Variants in COMMD7 observed in about 807,000 individuals in gnomAD.
The protein encoded by COMMD7 is COMM domain-containing protein 7.
In COMMD7, 28 loss-of-function variants were observed where a neutral mutation model predicts 34.8. The ratio of observed to expected loss-of-function variants is 0.80; its 90% CI spans 0.60 to 1.10. COMMD7 has a LOEUF of 1.10. Among genes scored for constraint, COMMD7 ranks in the 50% least tolerant of loss-of-function variants. The pLI, the probability that COMMD7 is intolerant of heterozygous loss-of-function variation, is 0.00. For synonymous variants in COMMD7, 80 were observed against 86.4 expected, an observed-to-expected ratio of 0.93 and a Z score of 0.41; for missense variants, 211 against 241.6, an observed-to-expected ratio of 0.87 and a Z score of 0.84.
At chr20:32,741,960 G>A (rs958539601) in intron 1 of COMMD7, among the ~76,000 whole-genome samples, 3 of 152,104 alleles carry the variant, frequency 2.0e-5, no homozygotes, top group Non-Finnish European at 4.4e-5. Context: ...GGCTGAGGTG[G>A]GCAGATCACC....
chr20:32,707,713 G>C (rs1984184432), intron 3 of COMMD7, among the ~76,000 whole-genome samples: 1 of 151,746 alleles, frequency 6.6e-6, no homozygotes, highest in Non-Finnish European at 1.5e-5. Flanking sequence ...TCACGGACTT[G>C]GGGATGGAGC....
intron 3 of COMMD7, among the ~76,000 whole-genome samples, chr20:32,717,409 T>C (rs1984864421): frequency 6.6e-6 from 1 of 151,082 alleles, no homozygotes; most frequent in African/African-American, 2.4e-5. Context: ...CACTGCAACA[T>C]CTGCCTCCCA....
chr20:32,720,315 T>C (rs1985072542), intron 3 of COMMD7, among the ~76,000 whole-genome samples: 1 of 152,042 alleles, frequency 6.6e-6, no homozygotes, highest in African/African-American at 2.4e-5. Context: ...GCCAACATGG[T>C]GAAACCCCGT....
chr20:32,731,959 C>G (rs1985863059), intron 1 of COMMD7, among the ~76,000 whole-genome samples: 1 of 152,188 alleles, frequency 6.6e-6, no homozygotes, highest in Non-Finnish European at 1.5e-5. Context: ...ATCAGATCTG[C>G]AAACCCAAAA....
chr20:32,727,986 A>C lies in COMMD7; in HGVS notation c.148T>G (p.Phe50Val), dbSNP rs2145764083. Residue 50 changes from phenylalanine (F) to valine (V), a missense_variant, in exon 3 of 9, where the codon TTT becomes GTT. Transcript: ENST00000278980. ...GCAAATTCAGAGAGCTGAGCCAGAA[A>C]TCTTTCCACCTGCAGAGAGAGAACA... ...FLTEPKEVER[F>V]LAQLSEFATT... is the part of the protein sequence containing the mutation. 6.2e-7 allele frequency: 1 copy of C among 1,614,106 alleles called. No homozygotes were observed. Among genetic ancestry groups the C allele is most frequent in the East Asian group, 2.2e-5 (1 of 44,882 alleles).
chr20:32,725,426 G>GTTTT (rs1299213390), intron 3 of COMMD7, among the ~76,000 whole-genome samples: 1 of 89,564 alleles, frequency 1.1e-5, no homozygotes, highest in African/African-American at 3.9e-5. Flanking sequence ...TCTATACTGT[G>GTTTT]TTTTGTTTTT....
At chr20:32,734,024 T>TA (rs1019994431) in intron 1 of COMMD7, among the ~76,000 whole-genome samples, 5 of 133,602 alleles carry the variant, frequency 3.7e-5, no homozygotes, top group South Asian at 2.4e-4. Flanking sequence ...AAATAAAAAA[T>TA]AAAAAAATTA....
At chr20:32,734,980 G>A (rs1392809501) in intron 1 of COMMD7, among the ~76,000 whole-genome samples, 2 of 151,896 alleles carry the variant, frequency 1.3e-5, no homozygotes, top group East Asian at 1.9e-4. Context: ...GCTCATGCCT[G>A]TAATCCTAGC....
chr20:32,703,658 G>C, intron 8 of COMMD7, 200 bp from the exon 9 acceptor site: 1 of 1,436,716 alleles, frequency 7.0e-7, no homozygotes, highest in Middle Eastern at 2.5e-4. Flanking sequence ...AAAAAAAGGG[G>C]AGTGAGTGTT....
chr20:32,738,661 A>T (rs1360451610), intron 1 of COMMD7, among the ~76,000 whole-genome samples: 1 of 151,408 alleles, frequency 6.6e-6, no homozygotes, highest in East Asian at 1.9e-4. Flanking sequence ...GCCTCAAGTG[A>T]TCCCCCTACC....
chr20:32,731,058 G>A (rs1985806055), intron 1 of COMMD7, among the ~76,000 whole-genome samples: 1 of 152,188 alleles, frequency 6.6e-6, no homozygotes, highest in African/African-American at 2.4e-5. Flanking sequence ...GAAACTGGGT[G>A]TGGTGGCTCA....
intron 3 of COMMD7, among the ~76,000 whole-genome samples, chr20:32,709,499 C>G (rs1218138765): frequency 6.6e-6 from 1 of 152,072 alleles, no homozygotes. Context: ...TGCCGTGAGC[C>G]GAGATCTGCC....
chr20:32,721,780 C>T (rs758183925), intron 3 of COMMD7, among the ~76,000 whole-genome samples: 3 of 152,198 alleles, frequency 2.0e-5, no homozygotes, highest in Non-Finnish European at 2.9e-5. Flanking sequence ...CCTGTAATGC[C>T]AGCTACTCGG....
At chr20:32,742,209 T>C (rs1317886259) in intron 1 of COMMD7, among the ~76,000 whole-genome samples, 3 of 152,148 alleles carry the variant, frequency 2.0e-5, no homozygotes, top group African/African-American at 7.2e-5. Flanking sequence ...TTAATTTCCA[T>C]TTCTATTTAA....
chr20:32,733,716 CAAAA>C (rs35352458), intron 1 of COMMD7, among the ~76,000 whole-genome samples: 3 of 109,616 alleles, frequency 2.7e-5, no homozygotes, highest in Non-Finnish European at 1.8e-5. Context: ...GACTCCATCT[CAAAA>C]AAAAAAAAAA....
rs796320487 is a variant in COMMD7 at position 32,725,995 on chromosome 20, G to A, written c.241+1898C>T. On this transcript the variant is annotated intron_variant, in intron 3 of 8. Coordinates refer to ENST00000278980, the MANE Select transcript of COMMD7 (RefSeq NM_053041.3). Reference sequence around the variant, plus strand: ...GGAGGATCACTTAAGCCCGGGAGGCGGAGGTTGCAGTAAGCTGAGATCATG... The same window carrying A: ...GGAGGATCACTTAAGCCCGGGAGGCAGAGGTTGCAGTAAGCTGAGATCATG... Among the ~76,000 whole-genome samples, 33 of 150,554 alleles carry A rather than the reference G, an allele frequency of 2.2e-4. No individual in the cohort carries two copies. In the East Asian group the frequency reaches 5.1e-3, roughly 23 times the overall value.
At chr20:32,734,114 G>A (rs1427061403) in intron 1 of COMMD7, among the ~76,000 whole-genome samples, 2 of 150,452 alleles carry the variant, frequency 1.3e-5, no homozygotes, top group African/African-American at 4.9e-5. Context: ...CTGGAAGGCA[G>A]AGCTTGTGGT....
intron 3 of COMMD7, among the ~76,000 whole-genome samples, chr20:32,718,877 A>T (rs1170635499): frequency 6.6e-6 from 1 of 151,984 alleles, no homozygotes; most frequent in African/African-American, 2.4e-5. Context: ...TCAGAACCTG[A>T]GATGTGTCAA....
At chr20:32,710,150 AG>A (rs1366591860) in intron 3 of COMMD7, among the ~76,000 whole-genome samples, 3 of 152,092 alleles carry the variant, frequency 2.0e-5, no homozygotes, top group Non-Finnish European at 2.9e-5. Flanking sequence ...CTGGGATTAC[AG>A]GCATGAGCTG....
Sources: gnomAD v4.1 joint callset for allele counts (sites outside exome capture counted in the v4.1 genomes callset) on GRCh38, gnomAD v4.1.1 for gene constraint, MANE v1.5 for transcripts, NCBI Gene and HGNC (gene_info 2026-07-23, HGNC 2026-07-21) for gene names.